Variants in SPTBN1 observed in about 807,000 individuals in gnomAD.
The protein encoded by SPTBN1 is spectrin beta chain, non-erythrocytic 1.
Under a neutral mutation model 266.4 loss-of-function variants are expected in SPTBN1, and 32 were observed. The observed-to-expected ratio is 0.12, with a 90% CI of 0.09 to 0.16. The LOEUF (loss-of-function observed/expected upper bound fraction) is 0.16. SPTBN1 is among the 10% of genes least tolerant of loss of function. SPTBN1 has a pLI of 1.00. For missense variants in SPTBN1, 2,296 were observed against 3,067.1 expected (o/e 0.75, Z 5.94); for synonymous variants, 1,336 against 1,162.2 (o/e 1.15, Z -3.04).
At position 54,617,704 on chromosome 2, in the gene SPTBN1, T is replaced by G; in HGVS notation, c.647+16T>G. On this transcript the variant is annotated intron_variant, in intron 6 of 35. Coordinates refer to ENST00000356805, the MANE Select transcript of SPTBN1 (RefSeq NM_003128.3). ...ACAAACACCGGTAAGTCCATACAAA[T>G]CATCCTAGCAATCGTGGGGTAAAAG... 1 of 1,612,812 alleles carries G rather than the reference T, an allele frequency of 6.2e-7. No homozygotes were observed. The highest frequency in any genetic ancestry group is 8.5e-7 in the Non-Finnish European group (1 of 1,179,104).
At chr2:54,528,278 G>A (rs1670950470) in intron 2 of SPTBN1, 1 of 152,580 alleles carries the variant, frequency 6.6e-6, no homozygotes, top group Admixed American at 6.5e-5. Flanking sequence ...CTGATTCCAG[G>A]CTATGTATTA....
At chr2:54,564,064 C>T (rs1673505398) in intron 2 of SPTBN1, among the ~76,000 whole-genome samples, 1 of 152,318 alleles carries the variant, frequency 6.6e-6, no homozygotes, top group Middle Eastern at 3.4e-3. Context: ...TGAATACATA[C>T]TGCTGGCATG....
At chr2:54,590,396 G>T (rs1675595978) in intron 2 of SPTBN1, among the ~76,000 whole-genome samples, 1 of 152,220 alleles carries the variant, frequency 6.6e-6, no homozygotes, top group Non-Finnish European at 1.5e-5. Context: ...TTGGACACTG[G>T]AGGTTTGCTG....
chr2:54,558,382 CA>C lies in SPTBN1; in HGVS notation c.148+31817del. ...ATTACAAACCGGCGGCCGCCGCGGG[CA>C]GCTGGGAGGAGGTGTGCGCGCTGCG... On this transcript the variant is annotated intron_variant, in intron 2 of 35. Coordinates refer to ENST00000356805, the MANE Select transcript of SPTBN1 (RefSeq NM_003128.3). The surrounding 1 kb of genome is among the most constrained non-coding windows in gnomAD (Gnocchi z 4.6). 1.0e-6 allele frequency: 1 copy of C among 1,004,034 alleles called. No homozygotes were observed. 62.2% of individuals were successfully genotyped at this position (1,004,034 alleles called of 1,614,324 possible). A position where few individuals can be genotyped will look rare whatever the true frequency, so the allele number is the denominator to read the frequency against.
intron 7 of SPTBN1, among the ~76,000 whole-genome samples, chr2:54,619,348 C>T (rs1391669901): frequency 6.6e-6 from 1 of 152,188 alleles, no homozygotes; most frequent in Non-Finnish European, 1.5e-5. Context: ...CATGCTTAAC[C>T]CCTATCTTAC....
At chr2:54,523,781 C>T (rs1426591302) in intron 1 of SPTBN1, among the ~76,000 whole-genome samples, 2 of 152,184 alleles carry the variant, frequency 1.3e-5, no homozygotes, top group South Asian at 2.1e-4. Context: ...TTGGTTAGCA[C>T]GCAGGCTGTG....
At chr2:54,547,737 T>TA (rs1672332235) in intron 2 of SPTBN1, among the ~76,000 whole-genome samples, 1 of 138,908 alleles carries the variant, frequency 7.2e-6, no homozygotes. Flanking sequence ...GTATCGGTGA[T>TA]AAAAATAGTA....
intron 4 of SPTBN1, among the ~76,000 whole-genome samples, chr2:54,613,729 C>T (rs1254187905): frequency 6.6e-6 from 1 of 152,238 alleles, no homozygotes; most frequent in Non-Finnish European, 1.5e-5. Context: ...AGAACTCTTA[C>T]ATTTCTGTTA....
intron 1 of SPTBN1, among the ~76,000 whole-genome samples, chr2:54,490,136 A>G (rs866179736): frequency 2.7e-5 from 4 of 150,040 alleles, no homozygotes; most frequent in Non-Finnish European, 5.9e-5. Context: ...CTGGAGTGCA[A>G]TCTCAGCTCA....
intron 32 of SPTBN1, chr2:54,661,404 A>G: frequency 4.1e-6 from 4 of 985,822 alleles, no homozygotes; most frequent in Non-Finnish European, 4.8e-6. Context: ...TCTATGAGTT[A>G]AGTCTGATTT....
intron 16 of SPTBN1, 89 bp from the exon 17 acceptor site, chr2:54,632,477 G>A (rs1168833520): frequency 7.6e-6 from 10 of 1,308,396 alleles, no homozygotes; most frequent in Middle Eastern, 1.9e-4. Context: ...TGAAGAAAGT[G>A]TTGTGAACTA....
intron 1 of SPTBN1, among the ~76,000 whole-genome samples, chr2:54,491,234 G>A (rs1668668470): frequency 6.6e-6 from 1 of 152,198 alleles, no homozygotes; most frequent in Non-Finnish European, 1.5e-5. Flanking sequence ...TGGCATCATA[G>A]CCTGTCACTG....
At chr2:54,656,283 T>A (rs1428220543) in intron 29 of SPTBN1, among the ~76,000 whole-genome samples, 1 of 152,174 alleles carries the variant, frequency 6.6e-6, no homozygotes, top group Non-Finnish European at 1.5e-5. Flanking sequence ...ATAGAAGCCC[T>A]CTCCCCCATT....
Position 54,519,098 on chromosome 2 carries a change from G to A in SPTBN1, c.-47-7274G>A, listed in dbSNP as rs572976990. ...AGTATATGTTTCAGGCGTTGTGACT[G>A]ATGGAGATAGTACCAGAGTGGCAGC... On this transcript the variant is annotated intron_variant, in intron 1 of 35. Transcript: ENST00000356805. Among the ~76,000 whole-genome samples the A allele has an allele frequency of 9.1e-4, 139 of 152,310 alleles. 2 individuals are homozygous for A. Among genetic ancestry groups the A allele is most frequent in the African/African-American group, 3.0e-3 (125 of 41,564 alleles).
At chr2:54,526,170 T>G (rs1573337505) in intron 1 of SPTBN1, among the ~76,000 whole-genome samples, 1 of 152,360 alleles carries the variant, frequency 6.6e-6, no homozygotes, top group East Asian at 1.9e-4. Context: ...TTGGGGAAAC[T>G]GAGGCTTAGA....
Position 54,468,074 on chromosome 2 carries a change from C to T in SPTBN1, c.-48+11556C>T, listed in dbSNP as rs766197192. Among the ~76,000 whole-genome samples the T allele has an allele frequency of 5.8e-4, 88 of 152,086 alleles. 1 individual carries two copies. The South Asian group carries it at 8.1e-3, about 14-fold the overall frequency. ...CTCTAATGCCAGCACTTTGGGAGGC[C>T]GAGGCGGGCAGATCATGAGGTCAGG... On this transcript the variant is annotated intron_variant, in intron 1 of 35. Transcript: ENST00000356805.
At chr2:54,630,067 G>T in intron 15 of SPTBN1, 38 bp downstream of exon 15, 1 of 1,600,820 alleles carries the variant, frequency 6.2e-7, no homozygotes, top group Non-Finnish European at 8.5e-7. Flanking sequence ...CCTCCCACGT[G>T]TGGGACTGGG....
rs1678832418 is a variant in SPTBN1 at position 54,632,691 on chromosome 2, G to A, written c.3690G>A (p.Glu1230=). The part of the protein sequence containing the change: ...ANEEKINAVV[E]TGRRLVSDGN... ...AGGAGAAGATCAATGCTGTGGTGGA[G>A]ACTGGCCGGAGGCTGGTGAGCGATG... The change falls in exon 17 of 36, where the codon GAG becomes GAA. Residue 1230 remains glutamate (E), a synonymous_variant. Coordinates refer to ENST00000356805, the MANE Select transcript of SPTBN1 (RefSeq NM_003128.3). 3 of 1,614,230 alleles carry A rather than the reference G, an allele frequency of 1.9e-6. No homozygotes were observed. The highest frequency in any genetic ancestry group is 2.5e-6 in the Non-Finnish European group (3 of 1,180,042).
At chr2:54,658,247 A>T (rs1680812265) in intron 30 of SPTBN1, among the ~76,000 whole-genome samples, 3 of 152,126 alleles carry the variant, frequency 2.0e-5, no homozygotes, top group Admixed American at 2.0e-4. Flanking sequence ...CCTCAGTCAC[A>T]TCCTGGGCAC....
Sources: gnomAD v4.1 joint callset for allele counts (sites outside exome capture counted in the v4.1 genomes callset) on GRCh38, gnomAD v4.1.1 for gene constraint, Gnocchi (gnomAD v3.1) non-coding constraint, MANE v1.5 for transcripts, NCBI Gene and HGNC (gene_info 2026-07-23, HGNC 2026-07-21) for gene names.